The following FAM153A variants were observed in gnomAD, a reference collection of about 807,000 sequenced individuals.
FAM153A encodes protein FAM153A.
Under a neutral mutation model 48.1 loss-of-function variants are expected in FAM153A, and 12 were observed. That is an observed-to-expected ratio of 0.25 (90% CI 0.16 to 0.40). The LOEUF (loss-of-function observed/expected upper bound fraction) is 0.40, where lower values mean the gene tolerates loss of function less well. FAM153A is among the 10% of genes least tolerant of loss of function. The pLI, the probability that FAM153A is intolerant of heterozygous loss-of-function variation, is 1.00. For missense variants in FAM153A, 111 were observed against 345.8 expected (o/e 0.32, Z 5.38); for synonymous variants, 36 against 118.2 (o/e 0.30, Z 4.51).
Position 177,730,497 on chromosome 5 carries a change from C to G in FAM153A, c.863-942G>C, listed in dbSNP as rs1171879707. Among the ~76,000 whole-genome samples, 3 of 120,066 alleles carry G rather than the reference C, an allele frequency of 2.5e-5. 1 individual carries two copies. Among genetic ancestry groups the G allele is most frequent in the African/African-American group, 8.3e-5 (3 of 36,182 alleles). The allele number at this position is 120,066 out of a possible 152,430, so 78.8% of individuals were successfully genotyped here. ...ACTGTAGTCCAAAAGCCTGAGGACT[C>G]TGTGTGTTTGACATTAATGGTCACA... is the stretch of plus-strand genomic sequence containing the variant. On this transcript the variant is annotated intron_variant, in intron 16 of 20. Transcript: ENST00000614127.
At chr5:177,754,573 G>C (rs2127701858), upstream of FAM153A, among the ~76,000 whole-genome samples, 1 of 151,996 alleles carries the variant, frequency 6.6e-6, no homozygotes, top group Admixed American at 6.5e-5. Context: ...TAGCCTAACT[G>C]GGAGGCACCA....
downstream of FAM153A, among the ~76,000 whole-genome samples, chr5:177,709,257 C>CTTTT (rs59687881): frequency 6.9e-5 from 8 of 116,376 alleles, no homozygotes; most frequent in African/African-American, 1.7e-4. Context: ...AAAAAGGAAT[C>CTTTT]TTTTTTTTTT....
intron 1 of FAM153A, among the ~76,000 whole-genome samples, chr5:177,765,966 T>C (rs1292892753): frequency 9.6e-6 from 1 of 103,972 alleles, no homozygotes; most frequent in East Asian, 3.6e-4. Context: ...AAAATACAAA[T>C]ACTACCCGGG....
intron 2 of FAM153A, among the ~76,000 whole-genome samples, chr5:177,749,317 A>G (rs1280755311): frequency 6.7e-6 from 1 of 148,950 alleles, no homozygotes; most frequent in Admixed American, 6.7e-5. Context: ...CCAAAATATA[A>G]CAATATTTGC....
At chr5:177,711,748 AATAG>A (rs1367865455) in exon 27 of FAM153A, 3 of 152,064 alleles carry the variant, frequency 2.0e-5, no homozygotes, top group East Asian at 1.9e-4. Flanking sequence ...AGAATAAGGT[AATAG>A]ATAGCCATTG....
intron 25 of FAM153A, among the ~76,000 whole-genome samples, chr5:177,715,302 AT>A: frequency 1.2e-5 from 1 of 81,984 alleles, no homozygotes; most frequent in Non-Finnish European, 3.3e-5. Flanking sequence ...CTTATACACA[AT>A]AATATTATAA....
At chr5:177,739,124 G>C (rs3752840) in exon 10 of FAM153A, 2 of 1,610,292 alleles carry the variant, frequency 1.2e-6, no homozygotes, top group African/African-American at 2.8e-5. Flanking sequence ...GTTGGTTTGG[G>C]TGCCTGCGTC....
chr5:177,725,158 TCTC>T (rs1238938030), intron 18 of FAM153A, among the ~76,000 whole-genome samples: 1,660 of 136,726 alleles, frequency 0.012, 24 homozygotes, highest in African/African-American at 0.048. Flanking sequence ...TTCCCTCCCT[TCTC>T]CTCCTGTAGG....
chr5:177,781,265 T>A (rs1448946798), upstream of FAM153A, among the ~76,000 whole-genome samples: 1 of 31,770 alleles, frequency 3.1e-5, no homozygotes, highest in Admixed American at 2.5e-4. Context: ...CGCCCGGCTA[T>A]TTTTTTTTTT....
the FAM153A span, among the ~76,000 whole-genome samples, chr5:177,702,122 A>C: frequency 6.6e-6 from 1 of 151,612 alleles, no homozygotes; most frequent in Admixed American, 6.6e-5. Flanking sequence ...GTTAGCCAGG[A>C]TGGTCTCGAT....
At chr5:177,758,488 A>G (rs1767971704) in intron 1 of FAM153A, among the ~76,000 whole-genome samples, 1 of 142,208 alleles carries the variant, frequency 7.0e-6, no homozygotes, top group South Asian at 2.5e-4. Context: ...TAAAGTTCAT[A>G]TGGAACCAAA....
At chr5:177,743,624 G>T (rs1765674968) in intron 6 of FAM153A, among the ~76,000 whole-genome samples, 1 of 97,494 alleles carries the variant, frequency 1.0e-5, no homozygotes, top group Admixed American at 1.1e-4. Flanking sequence ...TGTAGCATGA[G>T]GCTGCTCCAG....
intron 1 of FAM153A, among the ~76,000 whole-genome samples, chr5:177,751,532 A>G (rs1219086259): frequency 8.2e-6 from 1 of 121,604 alleles, no homozygotes; most frequent in Non-Finnish European, 1.7e-5. Flanking sequence ...TTAATAGAGA[A>G]GCCACTTGGG....
the FAM153A span, among the ~76,000 whole-genome samples, chr5:177,701,101 C>A: frequency 6.6e-6 from 1 of 151,542 alleles, no homozygotes; most frequent in Admixed American, 6.6e-5. Context: ...AGTGTATAGT[C>A]CCTCCCCTCT....
downstream of FAM153A, among the ~76,000 whole-genome samples, chr5:177,709,764 G>A (rs568662548): frequency 1.7e-4 from 20 of 115,708 alleles, 1 homozygote; most frequent in Non-Finnish European, 2.7e-4. Flanking sequence ...TCTGCCTCCC[G>A]GGTTCAAGCG....
At chr5:177,738,350 G>A (rs1173736755) in intron 10 of FAM153A, among the ~76,000 whole-genome samples, 2 of 151,294 alleles carry the variant, frequency 1.3e-5, no homozygotes, top group Non-Finnish European at 2.9e-5. Flanking sequence ...GCCTGACCTC[G>A]CAATGTCTGT....
At chr5:177,712,078 A>G (rs1235319658) in exon 27 of FAM153A, 2 of 151,948 alleles carry the variant, frequency 1.3e-5, no homozygotes, top group African/African-American at 2.4e-5. Context: ...TCTAAACTAG[A>G]CAGAAAATTC....
chr5:177,734,893 G>T, exon 13 of FAM153A: 1 of 1,492,780 alleles, frequency 6.7e-7, no homozygotes. Flanking sequence ...CCTCCTCACC[G>T]TTGTAACTGG....
upstream of FAM153A, among the ~76,000 whole-genome samples, chr5:177,755,661 A>G (rs1322117620): frequency 6.6e-6 from 1 of 151,826 alleles, no homozygotes; most frequent in African/African-American, 2.4e-5. Context: ...ACAAGCCAGA[A>G]GAGAGTGGGG....
Sources: gnomAD v4.1 joint callset for allele counts (sites outside exome capture counted in the v4.1 genomes callset) on GRCh38, gnomAD v4.1.1 for gene constraint, MANE v1.5 for transcripts, NCBI Gene and HGNC (gene_info 2026-07-23, HGNC 2026-07-21) for gene names.